LRRTM4: variants seen among roughly 807,000 people sequenced by gnomAD.
LRRTM4 encodes the protein leucine-rich repeat transmembrane neuronal protein 4.
In LRRTM4, 25 loss-of-function variants were observed where a neutral mutation model predicts 47.6. That is an observed-to-expected ratio of 0.53 (90% CI 0.38 to 0.73). LRRTM4 has a LOEUF of 0.73. Among genes scored for constraint, LRRTM4 ranks in the 30% least tolerant of loss-of-function variants. The pLI, the probability that LRRTM4 is intolerant of heterozygous loss-of-function variation, is 0.00. For missense variants in LRRTM4, 638 were observed against 713.4 expected (o/e 0.89, Z 1.20); for synonymous variants, 311 against 269.5 (o/e 1.15, Z -1.51).
intron 3 of LRRTM4, among the ~76,000 whole-genome samples, chr2:77,115,512 T>G (rs1415159186): frequency 1.3e-5 from 2 of 152,202 alleles, no homozygotes; most frequent in Non-Finnish European, 2.9e-5. Context: ...TTTGGGGAAC[T>G]GATAAATGTA....
At chr2:77,097,597 A>G (rs1457895587) in intron 3 of LRRTM4, among the ~76,000 whole-genome samples, 4 of 152,024 alleles carry the variant, frequency 2.6e-5, no homozygotes, top group Non-Finnish European at 4.4e-5. Context: ...TAAAGCACTC[A>G]TGAATTAAAA....
At chr2:76,959,970 C>T (rs922950896) in intron 3 of LRRTM4, among the ~76,000 whole-genome samples, 7 of 151,450 alleles carry the variant, frequency 4.6e-5, no homozygotes, top group Non-Finnish European at 8.9e-5. Flanking sequence ...CACTGGTTTA[C>T]TCTGTATTAA....
chr2:77,168,766 G>A (rs1316978143), intron 3 of LRRTM4, among the ~76,000 whole-genome samples: 1 of 151,890 alleles, frequency 6.6e-6, no homozygotes, highest in East Asian at 1.9e-4. Flanking sequence ...AAACTTTTCA[G>A]TCCCCACGTA....
At chr2:77,491,605 A>G (rs897435474) in intron 3 of LRRTM4, among the ~76,000 whole-genome samples, 2 of 151,916 alleles carry the variant, frequency 1.3e-5, no homozygotes, top group Admixed American at 6.6e-5. Context: ...ATCAATCCAC[A>G]AAATACTAAA....
chr2:77,001,935 C>T (rs1268230789), intron 3 of LRRTM4, among the ~76,000 whole-genome samples: 1 of 152,130 alleles, frequency 6.6e-6, no homozygotes. Context: ...AAACACTCTG[C>T]CCTCCTGCTC....
At chr2:77,365,157 G>A (rs1170003354) in intron 3 of LRRTM4, among the ~76,000 whole-genome samples, 3 of 151,918 alleles carry the variant, frequency 2.0e-5, no homozygotes, top group Non-Finnish European at 4.4e-5. Context: ...TCTATATTCT[G>A]ACTCTTACAC....
At chr2:76,898,285 T>A (rs1222487074) in intron 3 of LRRTM4, among the ~76,000 whole-genome samples, 1 of 152,160 alleles carries the variant, frequency 6.6e-6, no homozygotes, top group Non-Finnish European at 1.5e-5. Context: ...AAATGGAATT[T>A]TGCTATCCAA....
At chr2:77,363,479 T>C (rs1672318925) in intron 3 of LRRTM4, among the ~76,000 whole-genome samples, 1 of 152,180 alleles carries the variant, frequency 6.6e-6, no homozygotes, top group African/African-American at 2.4e-5. Context: ...CCAAGTATTA[T>C]TCCTGTCATC....
At chr2:77,315,356 G>A (rs1326255079) in intron 3 of LRRTM4, among the ~76,000 whole-genome samples, 1 of 152,028 alleles carries the variant, frequency 6.6e-6, no homozygotes, top group Non-Finnish European at 1.5e-5. Flanking sequence ...AAAAGGTATT[G>A]CTCATTCATA....
chr2:77,025,246 T>A (rs990488862), intron 3 of LRRTM4, among the ~76,000 whole-genome samples: 3 of 152,196 alleles, frequency 2.0e-5, no homozygotes, highest in African/African-American at 7.2e-5. Flanking sequence ...TGATAATCCT[T>A]TCAAATAATC....
At chr2:77,322,155 C>T (rs995285231) in intron 3 of LRRTM4, among the ~76,000 whole-genome samples, 2 of 152,034 alleles carry the variant, frequency 1.3e-5, no homozygotes, top group Non-Finnish European at 2.9e-5. Context: ...TTCTTTGTTT[C>T]CAAAGCACTG....
At chr2:77,501,310 ATTTGTATATATG>A (rs1168634238) in intron 3 of LRRTM4, among the ~76,000 whole-genome samples, 1 of 150,734 alleles carries the variant, frequency 6.6e-6, no homozygotes, top group East Asian at 1.9e-4. Context: ...TTTCATATAT[ATTTGTATATATG>A]AAAACATATA....
chr2:77,120,879 C>T (rs1007766702), intron 3 of LRRTM4, among the ~76,000 whole-genome samples: 4 of 151,762 alleles, frequency 2.6e-5, no homozygotes, highest in African/African-American at 7.3e-5. Context: ...CTCTGACAAT[C>T]TGAGAACATA....
chr2:77,024,768 A>G (rs566845533), intron 3 of LRRTM4, among the ~76,000 whole-genome samples: 4 of 152,182 alleles, frequency 2.6e-5, no homozygotes, highest in Non-Finnish European at 5.9e-5. Flanking sequence ...TGCTTGTAAA[A>G]GTATATAGTA....
At chr2:77,003,120 G>C (rs1049572957) in intron 3 of LRRTM4, among the ~76,000 whole-genome samples, 1 of 151,666 alleles carries the variant, frequency 6.6e-6, no homozygotes, top group Non-Finnish European at 1.5e-5. Context: ...AGAATATATG[G>C]AATTTCTCTT....
intron 3 of LRRTM4, among the ~76,000 whole-genome samples, chr2:77,429,480 A>C (rs1675270020): frequency 6.6e-6 from 1 of 152,194 alleles, no homozygotes; most frequent in African/African-American, 2.4e-5. Flanking sequence ...GTGGATAAAG[A>C]AAATGTGATA....
intron 3 of LRRTM4, among the ~76,000 whole-genome samples, chr2:76,855,349 A>G (rs1672118161): frequency 6.6e-6 from 1 of 152,234 alleles, no homozygotes; most frequent in Admixed American, 6.5e-5. Context: ...ATCCTTCAAC[A>G]TGAAATCCAG....
intron 3 of LRRTM4, among the ~76,000 whole-genome samples, chr2:76,938,180 ACATTT>A (rs2103853994): frequency 6.6e-6 from 1 of 152,128 alleles, no homozygotes; most frequent in African/African-American, 2.4e-5. Context: ...TTTTCTCCTT[ACATTT>A]ATCTGTTCTC....
intron 3 of LRRTM4, among the ~76,000 whole-genome samples, chr2:77,381,648 T>C (rs1452543146): frequency 6.6e-6 from 1 of 152,038 alleles, no homozygotes; most frequent in African/African-American, 2.4e-5. Context: ...CTATAGATAA[T>C]GAGAATTTGG....
Sources: allele counts gnomAD v4.1 joint callset (sites outside exome capture counted in the v4.1 genomes callset), GRCh38; gene constraint gnomAD v4.1.1; transcripts MANE v1.5; gene names NCBI Gene and HGNC (gene_info 2026-07-23, HGNC 2026-07-21).